Variants in C6 observed in about 807,000 individuals in gnomAD.
C6 encodes the protein complement component C6.
In C6, 101 loss-of-function variants were observed where a neutral mutation model predicts 112.9. The ratio of observed to expected loss-of-function variants is 0.89; its 90% CI spans 0.76 to 1.06. The LOEUF is 1.06. Ranked by LOEUF, C6 falls within the 50% of genes least tolerant of loss-of-function variation. The probability of loss-of-function intolerance (pLI) is 0.00; values close to 1 mark genes in which losing one functional copy is unlikely to be tolerated. For missense variants in C6, 1,202 were observed against 1,104.6 expected, an observed-to-expected ratio of 1.09 and a Z score of -1.25; for synonymous variants, 431 against 384.1, an observed-to-expected ratio of 1.12 and a Z score of -1.43.
At chr5:41,181,657 A>G (rs540460683) in intron 6 of C6, 98 bp from the exon 7 acceptor site, 8 of 1,019,600 alleles carry the variant, frequency 7.8e-6, no homozygotes, top group Admixed American at 2.0e-5. Flanking sequence ...TTATGCACTC[A>G]GCCAGTATTT....
chr5:41,258,081 T>C (rs1363085351), intron 1 of C6, among the ~76,000 whole-genome samples: 1 of 152,168 alleles, frequency 6.6e-6, no homozygotes, highest in Non-Finnish European at 1.5e-5. Flanking sequence ...CCAGGCATGG[T>C]CTTCACAAGC....
chr5:41,242,517 T>A lies in C6; in HGVS notation c.-21+18677A>T, dbSNP rs116515527. On this transcript the variant is annotated intron_variant, in intron 1 of 17. Coordinates refer to the C6 transcript ENST00000263413. ...ATGAAAACAGAATAAACAGGGTACA[T>A]CTGAGTTCTAGCAAAAGTTACATTT... Among the ~76,000 whole-genome samples the A allele has an allele frequency of 3.5e-3, 533 of 152,316 alleles. 7 individuals carry two copies. The highest frequency in any genetic ancestry group is 0.012 in the African/African-American group (513 of 41,582).
At chr5:41,165,497 C>T (rs1473101368) in intron 9 of C6, among the ~76,000 whole-genome samples, 1 of 151,912 alleles carries the variant, frequency 6.6e-6, no homozygotes, top group African/African-American at 2.4e-5. Flanking sequence ...TTAATTTTAT[C>T]CTTTTGATTC....
intron 7 of C6, among the ~76,000 whole-genome samples, chr5:41,180,543 C>A (rs1385979176): frequency 1.3e-5 from 2 of 151,942 alleles, no homozygotes; most frequent in East Asian, 1.9e-4. Context: ...AAGTCCCTGG[C>A]AAGATTAACA....
chr5:41,175,896 C>G (rs1370392662), intron 8 of C6, among the ~76,000 whole-genome samples: 1 of 152,160 alleles, frequency 6.6e-6, no homozygotes, highest in Non-Finnish European at 1.5e-5. Context: ...TACAATAACG[C>G]AAATCTTTTG....
Position 41,160,369 on chromosome 5 carries a change from T to C in C6, c.1459-2A>G, listed in dbSNP as rs1404820798. On this transcript the variant is annotated splice_acceptor_variant, in intron 10 of 17. Transcript: ENST00000337836. LOFTEE classifies it high-confidence loss of function. ...TACCAAGTCCACGATGGGGGCAAGC[T>C]AGGAGAAAATGGGAGAGAGGAGGTC... The C allele has an allele frequency of 8.7e-6, 14 of 1,611,762 alleles. No homozygotes were observed. The highest frequency in any genetic ancestry group is 3.3e-5 in the South Asian group (3 of 91,056).
intron 1 of C6, among the ~76,000 whole-genome samples, chr5:41,240,589 G>T (rs1342038006): frequency 6.6e-6 from 1 of 152,198 alleles, no homozygotes; most frequent in East Asian, 1.9e-4. Context: ...TGATGTTGGT[G>T]GTGGCAGCAG....
chr5:41,188,829 A>T (rs912424069), intron 5 of C6, among the ~76,000 whole-genome samples: 1 of 152,074 alleles, frequency 6.6e-6, no homozygotes, highest in African/African-American at 2.4e-5. Context: ...AAAAAGTGAA[A>T]ATACAACTCA....
Position 41,142,181 on chromosome 5 carries a change from G to T in C6, c.*644C>A, listed in dbSNP as rs1745415450. ...TGCATAAGATGATAATTAAGGATGG[G>T]ACTCACCCTTCCGTGTTGTATTTTC... On this transcript the variant is annotated 3_prime_UTR_variant, in exon 18 of 18. Transcript: ENST00000337836. The T allele has an allele frequency of 6.5e-6, 1 of 153,252 alleles. No individual in the cohort carries two copies. 9.5% of individuals were successfully genotyped at this position (153,252 alleles called of 1,614,324 possible). A position where few individuals can be genotyped will look rare whatever the true frequency, so the allele number is the denominator to read the frequency against.
intron 8 of C6, among the ~76,000 whole-genome samples, chr5:41,175,058 C>A (rs1748723676): frequency 6.6e-6 from 1 of 152,194 alleles, no homozygotes; most frequent in Non-Finnish European, 1.5e-5. Context: ...TTTGGAGGTT[C>A]TAGCAGGGGA....
intron 1 of C6, among the ~76,000 whole-genome samples, chr5:41,245,428 A>G (rs951862382): frequency 5.9e-5 from 9 of 152,124 alleles, no homozygotes; most frequent in Non-Finnish European, 8.8e-5. Context: ...AGGCTGAGGC[A>G]GGAGAATCGC....
intron 1 of C6, among the ~76,000 whole-genome samples, chr5:41,248,354 A>G (rs1199262441): frequency 2.0e-5 from 3 of 152,268 alleles, no homozygotes; most frequent in African/African-American, 4.8e-5. Context: ...GCTTCTGCAC[A>G]GCAAAAGAAG....
chr5:41,236,976 G>C (rs1580240974), intron 1 of C6, among the ~76,000 whole-genome samples: 2 of 151,936 alleles, frequency 1.3e-5, no homozygotes, highest in Admixed American at 1.3e-4. Flanking sequence ...AGAAAATCTA[G>C]AAGAAGTGGA....
In C6 at chr5:41,153,531, C is replaced by T. The variant is rs138093678; in HGVS notation, c.2290+279G>A. ...AAGTTCTCACTAATTTCCATGAGAT[C>T]GCTTTACTGATAATTTTATTTAAGG... On this transcript the variant is annotated intron_variant, in intron 15 of 17. Transcript: ENST00000337836. 4.6e-5 allele frequency among the ~76,000 whole-genome samples: 7 copies of T among 152,292 alleles called. No individual in the cohort carries two copies. In the East Asian group the frequency reaches 5.8e-4, roughly 13 times the overall value.
At chr5:41,203,708 C>A (rs1330264983) in intron 1 of C6, 1 of 185,982 alleles carries the variant, frequency 5.4e-6, no homozygotes, top group East Asian at 1.4e-4. Context: ...TCCTGACATG[C>A]TGGAAACCTG....
At chr5:41,155,658 G>A (rs1746827120) in intron 13 of C6, among the ~76,000 whole-genome samples, 1 of 152,084 alleles carries the variant, frequency 6.6e-6, no homozygotes, top group African/African-American at 2.4e-5. Context: ...GAGCCCAGAA[G>A]GTTGAGGCTG....
intron 1 of C6, among the ~76,000 whole-genome samples, chr5:41,224,334 A>T (rs1393265709): frequency 6.6e-6 from 1 of 152,180 alleles, no homozygotes; most frequent in African/African-American, 2.4e-5. Context: ...AGCCAGCACC[A>T]CAATTTAATT....
intron 6 of C6, among the ~76,000 whole-genome samples, chr5:41,184,680 C>T (rs1408466110): frequency 1.3e-5 from 2 of 152,064 alleles, no homozygotes; most frequent in Non-Finnish European, 2.9e-5. Flanking sequence ...TCATGTTGCC[C>T]AGACTGGTCT....
chr5:41,171,620 A>G (rs894005438), intron 9 of C6, among the ~76,000 whole-genome samples: 1 of 152,184 alleles, frequency 6.6e-6, no homozygotes, highest in African/African-American at 2.4e-5. Flanking sequence ...TTGGGATAGA[A>G]GAGTGAAAGC....
Sources: allele counts gnomAD v4.1 joint callset (sites outside exome capture counted in the v4.1 genomes callset), GRCh38; gene constraint gnomAD v4.1.1; transcripts MANE v1.5; gene names NCBI Gene and HGNC (gene_info 2026-07-23, HGNC 2026-07-21).